Variants in PDE1A observed in about 807,000 individuals in gnomAD.
The protein encoded by PDE1A is dual specificity calcium/calmodulin-dependent 3',5'-cyclic nucleotide phosphodiesterase 1A.
A neutral mutation model predicts 61.7 loss-of-function variants in PDE1A; 35 were observed. The observed-to-expected ratio is 0.57, with a 90% CI of 0.43 to 0.75. PDE1A has a LOEUF of 0.75. PDE1A is among the 30% of genes least tolerant of loss of function. PDE1A has a pLI of 0.00. For synonymous variants in PDE1A, 232 were observed against 213.2 expected, an observed-to-expected ratio of 1.09 and a Z score of -0.77; for missense variants, 597 against 630.6, an observed-to-expected ratio of 0.95 and a Z score of 0.57.
the PDE1A span, among the ~76,000 whole-genome samples, chr2:182,529,534 T>G: frequency 3.3e-5 from 5 of 152,196 alleles, no homozygotes; most frequent in Admixed American, 3.3e-4. Context: ...TGAAATGAGT[T>G]AATACTTTGG....
chr2:182,311,440 A>T (rs1254706232), intron 1 of PDE1A, among the ~76,000 whole-genome samples: 1 of 152,256 alleles, frequency 6.6e-6, no homozygotes, highest in East Asian at 1.9e-4. Flanking sequence ...TCACGTTACC[A>T]TCACTACACT....
chr2:182,206,008 A>C (rs776774203), exon 8 of PDE1A: 1 of 1,612,436 alleles, frequency 6.2e-7, no homozygotes, highest in African/African-American at 1.3e-5. Context: ...GATAAGCTGC[A>C]CTCACGTGGT....
At chr2:182,449,127 T>C (rs1574682809) in intron 2 of PDE1A, among the ~76,000 whole-genome samples, 1 of 150,706 alleles carries the variant, frequency 6.6e-6, no homozygotes, top group African/African-American at 2.4e-5. Flanking sequence ...CTTAGGATAG[T>C]CTTGTCAAAC....
chr2:182,348,454 A>G (rs776010629), intron 1 of PDE1A, among the ~76,000 whole-genome samples: 1 of 152,140 alleles, frequency 6.6e-6, no homozygotes, highest in African/African-American at 2.4e-5. Flanking sequence ...ATCAGCCCAC[A>G]TCACCTAACA....
intron 2 of PDE1A, among the ~76,000 whole-genome samples, chr2:182,257,778 T>C (rs1691925597): frequency 1.3e-5 from 2 of 152,184 alleles, no homozygotes; most frequent in African/African-American, 2.4e-5. Flanking sequence ...ACTTCTGTAG[T>C]GGAAGGTCTC....
chr2:182,508,140 G>T (rs1391081756), intron 2 of PDE1A, among the ~76,000 whole-genome samples: 2 of 149,826 alleles, frequency 1.3e-5, no homozygotes, highest in African/African-American at 4.9e-5. Context: ...AAAATTTTAT[G>T]ATTATCTCAA....
At chr2:182,243,517 G>A (rs751531202) in intron 2 of PDE1A, among the ~76,000 whole-genome samples, 7 of 152,138 alleles carry the variant, frequency 4.6e-5, no homozygotes, top group Non-Finnish European at 1.0e-4. Context: ...TACTGACTGA[G>A]AGAGAGAGTG....
upstream of PDE1A, among the ~76,000 whole-genome samples, chr2:182,527,553 G>T (rs1690797567): frequency 6.7e-6 from 1 of 149,514 alleles, no homozygotes; most frequent in Non-Finnish European, 1.5e-5. Flanking sequence ...GAGACCCCAT[G>T]TCAAAAAAAG....
chr2:182,712,334 A>G, the PDE1A span, among the ~76,000 whole-genome samples: 1 of 152,174 alleles, frequency 6.6e-6, no homozygotes, highest in South Asian at 2.1e-4. Context: ...CAAGACCTAA[A>G]TGGGGTCTGA....
intron 1 of PDE1A, among the ~76,000 whole-genome samples, chr2:182,283,673 C>T (rs1693971968): frequency 6.6e-6 from 1 of 151,946 alleles, no homozygotes; most frequent in African/African-American, 2.4e-5. Context: ...AAGATGTATT[C>T]ACCCAGAAGG....
At chr2:182,147,117 C>T (rs1380086949) in exon 14 of PDE1A, 13 of 1,608,214 alleles carry the variant, frequency 8.1e-6, no homozygotes, top group Non-Finnish European at 8.5e-7. Context: ...TCAGCATTTA[C>T]TAAGTCTTCT....
the PDE1A span, among the ~76,000 whole-genome samples, chr2:182,655,769 C>T: frequency 1.3e-4 from 20 of 152,334 alleles, 1 homozygote; most frequent in East Asian, 1.9e-4. Flanking sequence ...GTTCAAAATT[C>T]TCTGGCACAT....
chr2:182,658,047 T>TAAAAAAAAAAAAAAAAAAAAA, the PDE1A span, among the ~76,000 whole-genome samples: 1 of 66,660 alleles, frequency 1.5e-5, no homozygotes, highest in African/African-American at 6.9e-5. Context: ...AGCTTCTCAG[T>TAAAAAAAAAAAAAAAAAAAAA]AAAAAAAAAA....
At chr2:182,251,757 G>T (rs1056276032) in intron 2 of PDE1A, among the ~76,000 whole-genome samples, 1 of 152,212 alleles carries the variant, frequency 6.6e-6, no homozygotes, top group African/African-American at 2.4e-5. Flanking sequence ...CAGTGATGAG[G>T]CATGTTGGTG....
chr2:182,264,485 T>A, intron 1 of PDE1A, 71 bp from the exon 2 acceptor site: 1 of 984,352 alleles, frequency 1.0e-6, no homozygotes, highest in East Asian at 2.4e-5. Context: ...AATAGTACAG[T>A]ATTAAATACA....
At chr2:182,703,062 T>A in the PDE1A span, among the ~76,000 whole-genome samples, 61 of 152,230 alleles carry the variant, frequency 4.0e-4, no homozygotes, top group Non-Finnish European at 3.7e-4. Flanking sequence ...AAGCTGATTG[T>A]TAAAATGGAA....
At chr2:182,457,062 G>C (rs975354884) in intron 2 of PDE1A, among the ~76,000 whole-genome samples, 6 of 152,052 alleles carry the variant, frequency 3.9e-5, no homozygotes, top group Non-Finnish European at 7.4e-5. Context: ...AAACCAGACA[G>C]TCTGGACTGA....
At chr2:182,714,133 A>C in the PDE1A span, among the ~76,000 whole-genome samples, 1 of 152,178 alleles carries the variant, frequency 6.6e-6, no homozygotes, top group Admixed American at 6.5e-5. Flanking sequence ...ATGTTTATTC[A>C]TTCAAAAAAT....
At chr2:182,694,841 GTTGT>G in the PDE1A span, among the ~76,000 whole-genome samples, 11 of 147,146 alleles carry the variant, frequency 7.5e-5, no homozygotes, top group African/African-American at 1.7e-4. Flanking sequence ...GGGGGCAACA[GTTGT>G]TTGTTTGTTT....
Sources: gnomAD v4.1 joint callset for allele counts (sites outside exome capture counted in the v4.1 genomes callset) on GRCh38, gnomAD v4.1.1 for gene constraint, MANE v1.5 for transcripts, NCBI Gene and HGNC (gene_info 2026-07-23, HGNC 2026-07-21) for gene names.